NFIA: variants seen among roughly 807,000 people sequenced by gnomAD.
NFIA encodes the protein nuclear factor 1 A-type.
In NFIA, 8 loss-of-function variants were observed where a neutral mutation model predicts 62.8. That is an observed-to-expected ratio of 0.13 (90% CI 0.07 to 0.23). The LOEUF (loss-of-function observed/expected upper bound fraction) is 0.23. Ranked by LOEUF, NFIA falls within the 10% of genes least tolerant of loss-of-function variation. The pLI, the probability that NFIA is intolerant of heterozygous loss-of-function variation, is 1.00. For missense variants in NFIA, 410 were observed against 642.1 expected (o/e 0.64, Z 3.91); for synonymous variants, 235 against 238.1 (o/e 0.99, Z 0.12).
At chr1:61,250,749 T>C (rs1021840460) in intron 2 of NFIA, among the ~76,000 whole-genome samples, 1 of 152,192 alleles carries the variant, frequency 6.6e-6, no homozygotes, top group Admixed American at 6.5e-5. Context: ...AAAATATTTA[T>C]TAAAATCATA....
chr1:61,082,486 C>T (rs1215949776), upstream of NFIA: 8 of 1,102,452 alleles, frequency 7.3e-6, no homozygotes, highest in East Asian at 1.9e-4. Flanking sequence ...GGCGCGGGAG[C>T]GGGAAAGGGT....
intron 10 of NFIA, among the ~76,000 whole-genome samples, chr1:61,448,220 C>T (rs1667905959): frequency 6.6e-6 from 1 of 152,154 alleles, no homozygotes; most frequent in Non-Finnish European, 1.5e-5. Flanking sequence ...AAGGCAAGGG[C>T]CCAAATGCCT....
Position 61,456,851 on chromosome 1 carries a change from A to C in NFIA, c.*1531A>C, listed in dbSNP as rs546232789. On this transcript the variant is annotated 3_prime_UTR_variant, in exon 11 of 11. Coordinates refer to ENST00000403491, the MANE Select transcript of NFIA (RefSeq NM_001134673.4). ...AAAACACAAAAAACCACAGAAACAAAAACAAAAAAAAGTGCAAGTGATTTT... is the reference window on the plus strand; with the variant it reads ...AAAACACAAAAAACCACAGAAACAACAACAAAAAAAAGTGCAAGTGATTTT... 132 of 151,784 alleles carry C rather than the reference A, an allele frequency of 8.7e-4. No homozygotes were observed. Among genetic ancestry groups the C allele is most frequent in the African/African-American group, 2.7e-3 (113 of 41,468 alleles). The allele number at this position is 151,784 out of a possible 1,614,324, so 9.4% of individuals were successfully genotyped here.
chr1:61,403,933 T>G, intron 7 of NFIA, 171 bp from the exon 8 acceptor site: 1 of 677,722 alleles, frequency 1.5e-6, no homozygotes, highest in Non-Finnish European at 2.4e-6. Flanking sequence ...CGTGTTTGTC[T>G]TAGAGCCTTA....
At chr1:61,126,215 G>T (rs1030709649) in intron 2 of NFIA, among the ~76,000 whole-genome samples, 6 of 152,042 alleles carry the variant, frequency 3.9e-5, no homozygotes, top group African/African-American at 1.4e-4. Context: ...TCCCTTCATG[G>T]CTAAGGCAAC....
chr1:61,185,334 A>G (rs1382949317), intron 2 of NFIA, among the ~76,000 whole-genome samples: 1 of 152,208 alleles, frequency 6.6e-6, no homozygotes. Flanking sequence ...ATGCATTTCT[A>G]GTTTTTATGT....
intron 3 of NFIA, among the ~76,000 whole-genome samples, chr1:61,306,275 T>C (rs1659790508): frequency 2.1e-5 from 2 of 95,928 alleles, no homozygotes; most frequent in Non-Finnish European, 3.9e-5. Context: ...TGTTCTTTTT[T>C]TTTTTTTTTT....
intron 2 of NFIA, among the ~76,000 whole-genome samples, chr1:61,256,354 T>C (rs1300705117): frequency 6.6e-6 from 1 of 150,834 alleles, no homozygotes; most frequent in Non-Finnish European, 1.5e-5. Context: ...GAGAATCGCT[T>C]GAACCGAGGA....
chr1:61,198,001 G>GAAGA (rs368458930), intron 2 of NFIA, among the ~76,000 whole-genome samples: 30 of 152,042 alleles, frequency 2.0e-4, no homozygotes, highest in African/African-American at 6.0e-4. Context: ...AAGAGAGAAA[G>GAAGA]AAGAAAGAAA....
chr1:61,163,303 A>G (rs1303411257), intron 2 of NFIA, among the ~76,000 whole-genome samples: 2 of 152,214 alleles, frequency 1.3e-5, no homozygotes, highest in African/African-American at 2.4e-5. Context: ...ACCTGTGGTT[A>G]CGAGTTATGT....
At chr1:61,381,696 G>A (rs1664423562) in intron 6 of NFIA, among the ~76,000 whole-genome samples, 1 of 152,132 alleles carries the variant, frequency 6.6e-6, no homozygotes, top group Non-Finnish European at 1.5e-5. Context: ...GCTGAGACCT[G>A]CACAAGTAGT....
At chr1:61,255,080 C>T (rs1656295896) in intron 2 of NFIA, among the ~76,000 whole-genome samples, 1 of 152,142 alleles carries the variant, frequency 6.6e-6, no homozygotes, top group Admixed American at 6.5e-5. Context: ...AGGGGAAGTA[C>T]AGGATACAGC....
intron 3 of NFIA, among the ~76,000 whole-genome samples, chr1:61,328,764 C>T (rs1294351716): frequency 1.4e-5 from 2 of 143,088 alleles, no homozygotes; most frequent in Non-Finnish European, 3.0e-5. Context: ...GCTCTGTCAC[C>T]CAGGCTGGAG....
intron 2 of NFIA, among the ~76,000 whole-genome samples, chr1:61,226,755 G>A (rs534747899): frequency 6.6e-6 from 1 of 152,270 alleles, no homozygotes; most frequent in South Asian, 2.1e-4. Flanking sequence ...ACGAATGCTT[G>A]CTCAAGAGTC....
At chr1:61,225,412 A>C (rs897573681) in intron 2 of NFIA, among the ~76,000 whole-genome samples, 5 of 151,832 alleles carry the variant, frequency 3.3e-5, no homozygotes, top group African/African-American at 9.7e-5. Context: ...CACCATGCCC[A>C]GCTAATTTTT....
intron 3 of NFIA, among the ~76,000 whole-genome samples, chr1:61,319,433 C>CA (rs1036256979): frequency 6.6e-6 from 1 of 151,978 alleles, no homozygotes; most frequent in Non-Finnish European, 1.5e-5. Context: ...ACTGAGTACC[C>CA]ACCATATGTC....
chr1:61,305,078 T>C (rs960593136), intron 3 of NFIA, among the ~76,000 whole-genome samples: 1 of 152,092 alleles, frequency 6.6e-6, no homozygotes. Context: ...TAGTGTAGTA[T>C]AAAGTAAGTC....
intron 3 of NFIA, among the ~76,000 whole-genome samples, chr1:61,311,070 C>T (rs2363876): frequency 0.25 from 38,098 of 151,944 alleles, 5,138 homozygotes; most frequent in African/African-American, 0.29. Flanking sequence ...AGTATTGCAT[C>T]GCGTTTTCTG....
chr1:61,258,826 GA>G (rs1656584105), intron 2 of NFIA, among the ~76,000 whole-genome samples: 1 of 151,928 alleles, frequency 6.6e-6, no homozygotes, highest in Admixed American at 6.6e-5. Context: ...CTCCTGGGCT[GA>G]AGTGATCTTC....
Sources: allele counts gnomAD v4.1 joint callset (sites outside exome capture counted in the v4.1 genomes callset), GRCh38; gene constraint gnomAD v4.1.1; transcripts MANE v1.5; gene names NCBI Gene and HGNC (gene_info 2026-07-23, HGNC 2026-07-21).